Variants in KIAA2012 observed in about 807,000 individuals in gnomAD.
KIAA2012 encodes the protein KIAA2012, also known as uncharacterized protein KIAA2012.
A neutral mutation model predicts 150.6 loss-of-function variants in KIAA2012; 125 were observed. The observed-to-expected ratio is 0.83, with a 90% confidence interval of 0.72 to 0.96. The LOEUF (loss-of-function observed/expected upper bound fraction) is 0.96. KIAA2012 is among the 40% of genes least tolerant of loss of function. The probability of loss-of-function intolerance (pLI) is 0.00; values close to 1 mark genes in which losing one functional copy is unlikely to be tolerated. For missense variants in KIAA2012, 1,219 were observed against 1,354.9 expected (o/e 0.90, Z 1.57); for synonymous variants, 462 against 504.7 (o/e 0.92, Z 1.13).
At chr2:202,119,735 G>A (rs1690614985) in intron 11 of KIAA2012, among the ~76,000 whole-genome samples, 1 of 152,174 alleles carries the variant, frequency 6.6e-6, no homozygotes, top group Non-Finnish European at 1.5e-5. Flanking sequence ...AGGCACGGTG[G>A]CTCATGCCTA....
chr2:202,155,896 T>C (rs1432957110), intron 14 of KIAA2012, among the ~76,000 whole-genome samples: 2 of 152,194 alleles, frequency 1.3e-5, no homozygotes, highest in Non-Finnish European at 1.5e-5. Flanking sequence ...GGGTGGCAAG[T>C]TGGCCACCAG....
intron 21 of KIAA2012, among the ~76,000 whole-genome samples, chr2:202,195,517 G>A (rs771776503): frequency 1.3e-5 from 2 of 150,074 alleles, no homozygotes; most frequent in Non-Finnish European, 3.0e-5. Context: ...GCAAGACTCT[G>A]TCTAAAAAAA....
chr2:202,201,938 T>C, intron 22 of KIAA2012: 2 of 773,862 alleles, frequency 2.6e-6, no homozygotes, highest in South Asian at 3.1e-5. Flanking sequence ...ATCTTTTCCG[T>C]CCTCTTCCTG....
At chr2:202,171,623 A>C (rs577838211) in intron 15 of KIAA2012, among the ~76,000 whole-genome samples, 1 of 151,944 alleles carries the variant, frequency 6.6e-6, no homozygotes, top group Admixed American at 6.6e-5. Context: ...TGATGTCTCT[A>C]ACGCTGGGGC....
At chr2:202,106,084 C>T (rs1690183555) in intron 9 of KIAA2012, 174 bp downstream of exon 9, 1 of 1,502,586 alleles carries the variant, frequency 6.7e-7, no homozygotes, top group South Asian at 1.3e-5. Context: ...CAAAGTGCTG[C>T]ACTAAAACTA....
chr2:202,183,476 A>T (rs1216494391), intron 15 of KIAA2012, among the ~76,000 whole-genome samples: 95 of 95,844 alleles, frequency 9.9e-4, no homozygotes, highest in African/African-American at 3.3e-3. Context: ...GGTTTTTTAA[A>T]TTTTTTTTTT....
chr2:202,094,389 A>G (rs1689808908), intron 4 of KIAA2012, among the ~76,000 whole-genome samples: 1 of 152,272 alleles, frequency 6.6e-6, no homozygotes, highest in East Asian at 1.9e-4. Context: ...GGTTTATCAA[A>G]TGAATGGAGA....
intron 16 of KIAA2012, 82 bp from the exon 17 acceptor site, chr2:202,186,851 G>T: frequency 1.4e-6 from 2 of 1,392,106 alleles, no homozygotes; most frequent in East Asian, 5.0e-5. Context: ...GAGAACAGGT[G>T]CTCGATGTTG....
chr2:202,178,387 A>G (rs1317891831), intron 15 of KIAA2012, among the ~76,000 whole-genome samples: 1 of 152,170 alleles, frequency 6.6e-6, no homozygotes, highest in Non-Finnish European at 1.5e-5. Context: ...GTTTGTTCCA[A>G]TACTTCCTAA....
chr2:202,193,291 G>T lies in KIAA2012; in HGVS notation c.2812-10G>T. ...CTGTTTATTGCACTGAGAACACTCT[G>T]GTTTCTTAGGCCCTCCTCACTAAGA... On this transcript the variant is annotated splice_polypyrimidine_tract_variant and intron_variant, in intron 19 of 23. Coordinates refer to ENST00000498697, the MANE Select transcript of KIAA2012 (RefSeq NM_001277372.4). 1 of 1,548,768 alleles carries T rather than the reference G, an allele frequency of 6.5e-7. No homozygotes were observed. The highest frequency in any genetic ancestry group is 1.2e-5 in the South Asian group (1 of 83,912).
At chr2:202,171,540 C>T (rs1378082563) in intron 15 of KIAA2012, among the ~76,000 whole-genome samples, 1 of 152,118 alleles carries the variant, frequency 6.6e-6, no homozygotes, top group Non-Finnish European at 1.5e-5. Flanking sequence ...CCCAGGCGGG[C>T]TCTCCCCGAA....
At chr2:202,134,288 C>T (rs1246238111) in intron 12 of KIAA2012, among the ~76,000 whole-genome samples, 6 of 152,220 alleles carry the variant, frequency 3.9e-5, no homozygotes, top group Admixed American at 2.6e-4. Flanking sequence ...AGGCCCTGAA[C>T]GGATTTAAAG....
In KIAA2012 at chr2:202,117,838, G is replaced by A. The variant is rs969129214; in HGVS notation, c.1762+4392G>A. Among the ~76,000 whole-genome samples, 10 of 152,314 alleles carry A rather than the reference G, an allele frequency of 6.6e-5. No homozygotes were observed. In the South Asian group the frequency reaches 1.7e-3, roughly 25 times the overall value. On this transcript the variant is annotated intron_variant, in intron 11 of 23. Transcript: ENST00000498697. ...AGCCTCCGATATGCTGATGTGCACC[G>A]TGGTTCTTCAGGATGGGGATATGCA...
intron 13 of KIAA2012, among the ~76,000 whole-genome samples, chr2:202,154,408 G>A (rs1036804429): frequency 2.6e-5 from 4 of 152,156 alleles, no homozygotes; most frequent in Admixed American, 6.5e-5. Context: ...GCCTTACAGG[G>A]TTGTTGTGAG....
Position 202,133,126 on chromosome 2 carries a change from A to AT in KIAA2012, c.1832-5305dup, listed in dbSNP as rs1471401894. ...TAAAAAAAAATATATATATATATAT[A>AT]TATATTTTTTTTTTTTCTGGAGAAT... is the stretch of plus-strand genomic sequence containing the variant. On this transcript the variant is annotated intron_variant, in intron 12 of 23. Transcript: ENST00000498697. Among the ~76,000 whole-genome samples the AT allele has an allele frequency of 3.0e-3, 216 of 72,524 alleles. 11 individuals carry two copies. The highest frequency in any genetic ancestry group is 0.014 in the Middle Eastern group (2 of 148). 47.6% of individuals were successfully genotyped at this position (72,524 alleles called of 152,430 possible).
chr2:202,160,475 A>G (rs983773287), intron 14 of KIAA2012, among the ~76,000 whole-genome samples: 4 of 151,918 alleles, frequency 2.6e-5, no homozygotes, highest in Admixed American at 6.6e-5. Flanking sequence ...CACCATGCCC[A>G]GCTGATTTTT....
chr2:202,083,052 C>A (rs1174183688), intron 2 of KIAA2012, among the ~76,000 whole-genome samples: 1 of 152,126 alleles, frequency 6.6e-6, no homozygotes, highest in Non-Finnish European at 1.5e-5. Context: ...CTAGTTGTAC[C>A]TTTACATTTA....
chr2:202,173,390 A>C (rs1691934066), intron 15 of KIAA2012, among the ~76,000 whole-genome samples: 2 of 152,026 alleles, frequency 1.3e-5, no homozygotes, highest in Admixed American at 6.6e-5. Context: ...ACCAACATGG[A>C]GAAACCCCGT....
chr2:202,188,988 GACA>G (rs1692279544), intron 18 of KIAA2012, among the ~76,000 whole-genome samples: 1 of 152,172 alleles, frequency 6.6e-6, no homozygotes, highest in African/African-American at 2.4e-5. Context: ...TGCTAGAAAG[GACA>G]ACAATGGATA....
Sources: gnomAD v4.1 joint callset for allele counts (sites outside exome capture counted in the v4.1 genomes callset) on GRCh38, gnomAD v4.1.1 for gene constraint, MANE v1.5 for transcripts, NCBI Gene and HGNC (gene_info 2026-07-23, HGNC 2026-07-21) for gene names.